Variants in AASS observed in about 807,000 individuals in gnomAD.
The protein encoded by AASS is alpha-aminoadipic semialdehyde synthase, mitochondrial.
Under a neutral mutation model 105.4 loss-of-function variants are expected in AASS, and 86 were observed. The observed-to-expected ratio is 0.82, with a 90% CI of 0.69 to 0.98. The LOEUF is 0.98. Ranked by LOEUF, AASS falls within the 50% of genes least tolerant of loss-of-function variation. The pLI is 0.00. For missense variants in AASS, 1,048 were observed against 1,143.2 expected, an observed-to-expected ratio of 0.92 and a Z score of 1.20; for synonymous variants, 381 against 394.8, an observed-to-expected ratio of 0.96 and a Z score of 0.41.
At chr7:122,115,306 T>C (rs1795114265) in intron 8 of AASS, 84 bp from the exon 9 acceptor site, 2 of 1,499,582 alleles carry the variant, frequency 1.3e-6, no homozygotes, top group African/African-American at 1.4e-5. Context: ...CAGTAAATTC[T>C]ATGAGAAATA....
chr7:122,100,958 T>C (rs1038086837), intron 13 of AASS, among the ~76,000 whole-genome samples: 31 of 151,826 alleles, frequency 2.0e-4, no homozygotes, highest in Non-Finnish European at 1.3e-4. Context: ...AACATTATAC[T>C]AAACAAAAGA....
At chr7:122,135,412 T>G (rs1452365817) in intron 1 of AASS, among the ~76,000 whole-genome samples, 1 of 152,168 alleles carries the variant, frequency 6.6e-6, no homozygotes, top group Non-Finnish European at 1.5e-5. Context: ...GCTCTAAACA[T>G]GCCAGTTCCT....
chr7:122,125,178 C>T (rs1795601985), intron 4 of AASS, among the ~76,000 whole-genome samples: 1 of 152,082 alleles, frequency 6.6e-6, no homozygotes, highest in African/African-American at 2.4e-5. Context: ...CCTCAGCCTC[C>T]CAAAGTGCTG....
intron 1 of AASS, among the ~76,000 whole-genome samples, chr7:122,143,354 C>A (rs1796488992): frequency 6.6e-6 from 1 of 151,526 alleles, no homozygotes. Context: ...CCGCTCCCCC[C>A]ACCCCCATTC....
intron 11 of AASS, among the ~76,000 whole-genome samples, chr7:122,110,213 T>C (rs904224507): frequency 6.6e-6 from 1 of 151,852 alleles, no homozygotes. Flanking sequence ...TTTTTTGCGA[T>C]GACTAATAAA....
At chr7:122,140,485 CAAAAAAAAAAAAAA>C (rs57828681) in intron 1 of AASS, among the ~76,000 whole-genome samples, 1 of 37,328 alleles carries the variant, frequency 2.7e-5, no homozygotes, top group African/African-American at 1.1e-4. Context: ...GACTCAGTCT[CAAAAAAAAAAAAAA>C]AAAAAAAAAG....
At chr7:122,081,209 G>A (rs1793303191) in intron 20 of AASS, among the ~76,000 whole-genome samples, 1 of 152,120 alleles carries the variant, frequency 6.6e-6, no homozygotes, top group African/African-American at 2.4e-5. Flanking sequence ...CTAGACAACT[G>A]GAATAGCTCA....
rs373420120 is a variant in AASS, at chr7:122,143,725, C to A, written c.-16+436G>T. On this transcript the variant is annotated intron_variant, in intron 1 of 23. Transcript: ENST00000417368. ...AAATCTCCATCCACCGCCCCCTCAG[C>A]CAGCCGTCCCCTCTAAGCACGCCGT... Among the ~76,000 whole-genome samples the A allele has an allele frequency of 8.7e-4, 132 of 152,152 alleles. 1 individual carries two copies. The highest frequency in any genetic ancestry group is 3.0e-3 in the African/African-American group (125 of 41,510).
At position 122,134,301 on chromosome 7, in the gene AASS, T is replaced by G. The variant is rs533801298; in HGVS notation, c.-15-560A>C. On this transcript the variant is annotated intron_variant, in intron 1 of 23. Coordinates refer to ENST00000417368, the MANE Select transcript of AASS (RefSeq NM_005763.4). ...AACAAAAAACAAAAAACAAAAAAAC[T>G]GGTTCACAATTAGATGTGTACATAA... Among the ~76,000 whole-genome samples the G allele has an allele frequency of 6.4e-4, 98 of 152,336 alleles. 1 individual carries two copies. The highest frequency in any genetic ancestry group is 8.8e-5 in the Non-Finnish European group (6 of 68,030).
chr7:122,106,851 A>T (rs2150528550), intron 11 of AASS, among the ~76,000 whole-genome samples: 1 of 152,190 alleles, frequency 6.6e-6, no homozygotes, highest in Non-Finnish European at 1.5e-5. Context: ...CATGGGAACT[A>T]GCAAAGATTT....
At chr7:122,111,351 A>T (rs1238188103) in intron 11 of AASS, among the ~76,000 whole-genome samples, 1 of 152,236 alleles carries the variant, frequency 6.6e-6, no homozygotes, top group Non-Finnish European at 1.5e-5. Context: ...GAAATGTCTG[A>T]TTAGCAGAAT....
chr7:122,097,283 T>G (rs1234858673), intron 15 of AASS, among the ~76,000 whole-genome samples: 1 of 152,030 alleles, frequency 6.6e-6, no homozygotes, highest in Non-Finnish European at 1.5e-5. Flanking sequence ...ACAGATAACT[T>G]TCTTCTTCTC....
chr7:122,100,758 T>C (rs1794387070), intron 13 of AASS, among the ~76,000 whole-genome samples: 4 of 151,838 alleles, frequency 2.6e-5, no homozygotes, highest in Admixed American at 2.6e-4. Context: ...CTTTAAGTAG[T>C]AAAATCAATT....
chr7:122,079,755 A>T lies in AASS; in HGVS notation c.2281-43T>A, dbSNP rs754843655. On this transcript the variant is annotated intron_variant, in intron 20 of 23. Coordinates refer to ENST00000417368, the MANE Select transcript of AASS (RefSeq NM_005763.4). The stretch of plus-strand genomic sequence containing the variant: ...TACAATATTTCTAAGTCCCTAACAA[A>T]TTTTTTTTTAATTGACTGAAAAATT... 3.1e-5 allele frequency: 44 copies of T among 1,411,502 alleles called. 1 individual carries two copies. The highest frequency in any genetic ancestry group is 1.9e-4 in the African/African-American group (13 of 70,256). 87.4% of individuals were successfully genotyped at this position (1,411,502 alleles called of 1,614,324 possible).
intron 11 of AASS, among the ~76,000 whole-genome samples, chr7:122,108,603 A>G (rs1794780470): frequency 6.6e-6 from 1 of 152,108 alleles, no homozygotes; most frequent in Non-Finnish European, 1.5e-5. Flanking sequence ...ACAGAAAAAA[A>G]TATTTGACAA....
At chr7:122,092,126 T>TA (rs1793933148) in intron 17 of AASS, among the ~76,000 whole-genome samples, 1 of 151,668 alleles carries the variant, frequency 6.6e-6, no homozygotes, top group Non-Finnish European at 1.5e-5. Flanking sequence ...CAGTTCCTAC[T>TA]AACTTTTGTA....
In AASS at chr7:122,086,083, T is replaced by G. The variant is rs755152951; in HGVS notation, c.2113A>C (p.Ser705Arg). 1.2e-6 allele frequency: 2 copies of G among 1,613,564 alleles called. No individual in the cohort carries two copies. Among genetic ancestry groups the G allele is most frequent in the South Asian group, 1.1e-5 (1 of 91,080 alleles). ...CCATAAATCTCAGCATATTTCGTAC[T>G]GTCTCTGTTAGGATAGCCTTCCAAA... is the stretch of plus-strand genomic sequence containing the variant. ...LNLEGYPNRD[S>R]TKYAEIYGIS... The change falls in exon 19 of 24, where the codon AGT (serine) becomes CGT (arginine). Residue 705 changes from serine (S) to arginine (R), a missense_variant. Coordinates refer to ENST00000417368, the MANE Select transcript of AASS (RefSeq NM_005763.4).
At chr7:122,103,400 C>A (rs368313185) in intron 11 of AASS, among the ~76,000 whole-genome samples, 12 of 151,898 alleles carry the variant, frequency 7.9e-5, no homozygotes, top group African/African-American at 2.7e-4. Flanking sequence ...AAACTCTTTC[C>A]CAGACAAGCA....
Position 122,073,882 on chromosome 7 carries a change from T to C in AASS, c.*2607A>G, listed in dbSNP as rs1171456064. ...CTTCACTTGATATGTTTTCAAGGTT[T>C]TTCCATGTTGTGGTGCATATCAGTA... On this transcript the variant is annotated 3_prime_UTR_variant, in exon 24 of 24. Coordinates refer to ENST00000417368, the MANE Select transcript of AASS (RefSeq NM_005763.4). 6.6e-6 allele frequency among the ~76,000 whole-genome samples: 1 copy of C among 152,218 alleles called. No individual in the cohort carries two copies. Among genetic ancestry groups the C allele is most frequent in the African/African-American group, 2.4e-5 (1 of 41,460 alleles).
Sources: gnomAD v4.1 joint callset for allele counts (sites outside exome capture counted in the v4.1 genomes callset) on GRCh38, gnomAD v4.1.1 for gene constraint, MANE v1.5 for transcripts, NCBI Gene and HGNC (gene_info 2026-07-23, HGNC 2026-07-21) for gene names.